Variants in HELT observed in about 807,000 individuals in gnomAD.
The protein encoded by HELT is hairy and enhancer of split-related protein HELT.
In HELT, 9 loss-of-function variants were observed where a neutral mutation model predicts 19.5. That is an observed-to-expected ratio of 0.46 (90% CI 0.28 to 0.80). The LOEUF is 0.80. Ranked by LOEUF, HELT falls within the 30% of genes least tolerant of loss-of-function variation. HELT has a pLI of 0.12. For synonymous variants in HELT, 162 were observed against 148.3 expected (o/e 1.09, Z -0.67); for missense variants, 366 against 326.3 (o/e 1.12, Z -0.94).
rs574289723 is a variant in HELT, at chr4:185,020,449, C to T, written c.406C>T (p.Pro136Ser). 3.1e-6 allele frequency: 5 copies of T among 1,614,008 alleles called. No homozygotes were observed. The highest frequency in any genetic ancestry group is 2.7e-5 in the African/African-American group (2 of 75,072). ...ARLGAEPAFPPLGSLPEPDFS... is the reference protein window; with the variant it reads ...ARLGAEPAFPSLGSLPEPDFS... ...CCTGGGCGCGGAGCCCGCCTTTCCG[C>T]CGCTGGGTTCGCTCCCGGAGCCGGA... Residue 136 changes from proline to serine, a missense_variant, in exon 4 of 4, where the codon CCG becomes TCG. By Grantham distance (74) the Pro-to-Ser change is moderately conservative. Coordinates refer to ENST00000515777, the MANE Select transcript of HELT (RefSeq NM_001300781.2).
intron 2 of HELT, 30 bp downstream of exon 2, chr4:185,019,521 A>C (rs1334198778): frequency 6.3e-7 from 1 of 1,576,544 alleles, no homozygotes; most frequent in African/African-American, 1.4e-5. Context: ...GCCGGGTGCC[A>C]GGCGTTGGGA....
In HELT at chr4:185,020,895, G is replaced by T; in HGVS notation, c.*123G>T. On this transcript the variant is annotated 3_prime_UTR_variant, in exon 4 of 4. Coordinates refer to ENST00000515777, the MANE Select transcript of HELT (RefSeq NM_001300781.2). ...ATCTGGGCTGGGGGAGGCAAAGAGC[G>T]AATGAGTCTTCTGAAGGATCTCCCC... 1 of 1,182,906 alleles carries T rather than the reference G, an allele frequency of 8.5e-7. No homozygotes were observed. Among genetic ancestry groups the T allele is most frequent in the East Asian group, 2.9e-5 (1 of 34,786 alleles). 73.3% of individuals were successfully genotyped at this position (1,182,906 alleles called of 1,614,324 possible). A position where few individuals can be genotyped will look rare whatever the true frequency, so the allele number is the denominator to read the frequency against.
In HELT at chr4:185,018,824, T is replaced by G. The variant is rs996706732; in HGVS notation, c.-105T>G. 6.7e-6 allele frequency: 8 copies of G among 1,193,098 alleles called. No individual in the cohort carries two copies. In the African/African-American group the frequency reaches 9.2e-5, roughly 14 times the overall value. The allele number at this position is 1,193,098 out of a possible 1,614,324, so 73.9% of individuals were successfully genotyped here. ...CCGCTTTATAAGGCAGCCCTCGGAG[T>G]TGGGAGGCTGCAGTCTACCTGGGAC... On this transcript the variant is annotated 5_prime_UTR_variant, in exon 1 of 4. Transcript: ENST00000515777.
rs1733961494 is a variant in HELT, at chr4:185,018,547, C to G, written c.-382C>G. On this transcript the variant is annotated 5_prime_UTR_variant, in exon 1 of 4. Coordinates refer to ENST00000515777, the MANE Select transcript of HELT (RefSeq NM_001300781.2). ...GCAGGCGCTTGCTCGCCCGCCGGCC[C>G]CAGTTTACCGCCTCCTTTTCCCGCC... 6.6e-6 allele frequency among the ~76,000 whole-genome samples: 1 copy of G among 152,162 alleles called. No homozygotes were observed. The highest frequency in any genetic ancestry group is 1.5e-5 in the Non-Finnish European group (1 of 68,026).
rs1734056851 is a variant in HELT, at chr4:185,020,759, C to T, written c.716C>T (p.Pro239Leu). ...NALNLHTPQH[P>L]PVL ...CTTAACCTGCACACGCCCCAGCACC[C>T]CCCGGTGCTCTGACGCCCACTCGCC... Residue 239 changes from proline (P) to leucine (L), a missense_variant, in exon 4 of 4, where the codon CCC (proline) becomes CTC (leucine). Physicochemically the swap from Pro to Leu is moderately conservative, Grantham distance 98. Transcript: ENST00000515777. The T allele has an allele frequency of 2.6e-6, 4 of 1,527,792 alleles. No individual in the cohort carries two copies. Among genetic ancestry groups the T allele is most frequent in the Admixed American group, 4.3e-5 (2 of 46,550 alleles). 94.6% of individuals were successfully genotyped at this position (1,527,792 alleles called of 1,614,324 possible). A position where few individuals can be genotyped will look rare whatever the true frequency, so the allele number is the denominator to read the frequency against.
chr4:185,020,086 C>T (rs1561324554), intron 3 of HELT, among the ~76,000 whole-genome samples, 187 bp from the exon 4 acceptor site: 1 of 152,206 alleles, frequency 6.6e-6, no homozygotes, highest in Non-Finnish European at 1.5e-5. Context: ...TGGGGTCAGG[C>T]TCTCAGGGAA....
At position 185,019,356 on chromosome 4, in the gene HELT, C is replaced by A. The variant is rs374322646; in HGVS notation, c.28-31C>A. On this transcript the variant is annotated intron_variant, in intron 1 of 3. Transcript: ENST00000515777. The stretch of plus-strand genomic sequence containing the variant: ...GCCTTTGACGACTTCCCGGGCAAAG[C>A]CATCCTAAACATACAACCCTCTCTT... 101 of 1,560,014 alleles carry A rather than the reference C, an allele frequency of 6.5e-5. No homozygotes were observed. In the African/African-American group the frequency reaches 1.2e-3, roughly 18 times the overall value.
At chr4:185,020,159 A>G in intron 3 of HELT, 114 bp from the exon 4 acceptor site, 1 of 1,467,768 alleles carries the variant, frequency 6.8e-7, no homozygotes, top group Non-Finnish European at 9.3e-7. Flanking sequence ...GCGGGCCTCA[A>G]ATGGGAACTT....
chr4:185,019,705 C>A (rs1181645448), intron 2 of HELT, 42 bp from the exon 3 acceptor site: 3 of 1,611,892 alleles, frequency 1.9e-6, no homozygotes, highest in Non-Finnish European at 2.5e-6. Flanking sequence ...GCCCGACCAG[C>A]AGGCGCTGGG....
At chr4:185,019,030 T>G (rs200568741) in intron 1 of HELT, 75 bp downstream of exon 1, 2 of 1,613,894 alleles carry the variant, frequency 1.2e-6, no homozygotes, top group Non-Finnish European at 1.7e-6. Context: ...GCCACTTGGG[T>G]GGACCGATGG....
chr4:185,019,529 G>C, intron 2 of HELT, 38 bp downstream of exon 2: 1 of 1,573,490 alleles, frequency 6.4e-7, no homozygotes, highest in Non-Finnish European at 8.6e-7. Flanking sequence ...CCAGGCGTTG[G>C]GAGGCCTCTG....
rs1030941866 is a variant in HELT at position 185,018,502 on chromosome 4, G to C, written c.-427G>C. On this transcript the variant is annotated 5_prime_UTR_variant, in exon 1 of 4. Transcript: ENST00000515777. ...GTGCCCGCGGCCGCTGCGCCCCTGC[G>C]CTCCGCGCCCGCGACTGCTGCAGGC... 6.6e-6 allele frequency among the ~76,000 whole-genome samples: 1 copy of C among 151,992 alleles called. No homozygotes were observed. Among genetic ancestry groups the C allele is most frequent in the Non-Finnish European group, 1.5e-5 (1 of 67,972 alleles).
Position 185,019,030 on chromosome 4 carries a change from T to A in HELT, c.27+75T>A, listed in dbSNP as rs200568741. On this transcript the variant is annotated intron_variant, in intron 1 of 3. Coordinates refer to ENST00000515777, the MANE Select transcript of HELT (RefSeq NM_001300781.2). ...CTGACTCACCGACCCGCCACTTGGG[T>A]GGACCGATGGCAGGGAAGTGCCCGC... The A allele has an allele frequency of 1.9e-4, 306 of 1,613,894 alleles. 2 individuals carry two copies. In the Middle Eastern group the frequency reaches 4.1e-3, roughly 22 times the overall value.
chr4:185,020,892 A>G lies in HELT; in HGVS notation c.*120A>G. On this transcript the variant is annotated 3_prime_UTR_variant, in exon 4 of 4. Coordinates refer to ENST00000515777, the MANE Select transcript of HELT (RefSeq NM_001300781.2). ...AAAATCTGGGCTGGGGGAGGCAAAG[A>G]GCGAATGAGTCTTCTGAAGGATCTC... 5.0e-6 allele frequency: 6 copies of G among 1,199,602 alleles called. No homozygotes were observed. Among genetic ancestry groups the G allele is most frequent in the Non-Finnish European group, 6.6e-6 (6 of 908,518 alleles). 74.3% of individuals were successfully genotyped at this position (1,199,602 alleles called of 1,614,324 possible).
At position 185,019,854 on chromosome 4, in the gene HELT, G is replaced by A. The variant is rs939644901; in HGVS notation, c.229+11G>A. On this transcript the variant is annotated intron_variant, in intron 3 of 3. Coordinates refer to ENST00000515777, the MANE Select transcript of HELT (RefSeq NM_001300781.2). The stretch of plus-strand genomic sequence containing the variant: ...GGGGAAGGGAAAAAGGTGGGCACAG[G>A]TTAGGGAATGGGACGCCTGGGCCAG... The A allele has an allele frequency of 6.2e-7, 1 of 1,610,016 alleles. No individual in the cohort carries two copies. The highest frequency in any genetic ancestry group is 1.3e-5 in the African/African-American group (1 of 74,888).
intron 1 of HELT, 103 bp from the exon 2 acceptor site, chr4:185,019,284 A>T: frequency 8.7e-7 from 1 of 1,143,968 alleles, no homozygotes. Flanking sequence ...GAATCTGAGC[A>T]GTGTGCGCGG....
intron 1 of HELT, 139 bp from the exon 2 acceptor site, chr4:185,019,248 G>A (rs929412055): frequency 7.9e-6 from 9 of 1,135,988 alleles, no homozygotes; most frequent in Non-Finnish European, 1.1e-5. Context: ...CCCGAGCGTG[G>A]CGGGCCAGGA....
intron 3 of HELT, 112 bp from the exon 4 acceptor site, chr4:185,020,161 T>C (rs901433): frequency 0.082 from 121,068 of 1,471,298 alleles, 6,037 homozygotes; most frequent in East Asian, 0.21. Context: ...GGGCCTCAAA[T>C]GGGAACTTTG....
At chr4:185,019,973 G>A (rs1298637070) in intron 3 of HELT, 130 bp downstream of exon 3, 5 of 933,938 alleles carry the variant, frequency 5.4e-6, no homozygotes, top group Non-Finnish European at 8.0e-6. Context: ...GGAGGGCAGG[G>A]GTCCTGCGAA....
Sources: allele counts gnomAD v4.1 joint callset (sites outside exome capture counted in the v4.1 genomes callset), GRCh38; gene constraint gnomAD v4.1.1; transcripts MANE v1.5; gene names NCBI Gene and HGNC (gene_info 2026-07-23, HGNC 2026-07-21).